The following SYNPR variants were observed in gnomAD, a reference collection of about 807,000 sequenced individuals.
The protein encoded by SYNPR is synaptoporin.
SYNPR carries 23 observed loss-of-function variants against 32.9 expected under a neutral mutation model. The ratio of observed to expected loss-of-function variants is 0.70; its 90% CI spans 0.50 to 0.99. SYNPR has a LOEUF of 0.99. Among genes scored for constraint, SYNPR ranks in the 50% least tolerant of loss-of-function variants. The probability of loss-of-function intolerance (pLI) is 0.00; values close to 1 mark genes in which losing one functional copy is unlikely to be tolerated. For synonymous variants in SYNPR, 146 were observed against 135.9 expected (o/e 1.07, Z -0.52); for missense variants, 318 against 349.3 (o/e 0.91, Z 0.71).
At chr3:63,437,409 C>G (rs1700103443) in intron 2 of SYNPR, among the ~76,000 whole-genome samples, 1 of 152,076 alleles carries the variant, frequency 6.6e-6, no homozygotes. Flanking sequence ...AGAGCTGGAA[C>G]TAGAATCCAC....
intron 2 of SYNPR, among the ~76,000 whole-genome samples, chr3:63,321,850 T>A (rs946492997): frequency 5.3e-5 from 8 of 152,078 alleles, no homozygotes; most frequent in Middle Eastern, 3.2e-3. Flanking sequence ...GCACCGTACA[T>A]TATAAAGCTC....
intron 2 of SYNPR, among the ~76,000 whole-genome samples, chr3:63,287,727 A>T (rs966252885): frequency 1.3e-5 from 2 of 152,220 alleles, no homozygotes; most frequent in Non-Finnish European, 2.9e-5. Context: ...TGAGATGTAA[A>T]TTCCCCTTAA....
intron 2 of SYNPR, among the ~76,000 whole-genome samples, chr3:63,323,960 T>C (rs1406940038): frequency 6.6e-6 from 1 of 152,100 alleles, no homozygotes; most frequent in Non-Finnish European, 1.5e-5. Context: ...GCACAATAAG[T>C]AGCAGAGTCA....
rs77550828 is a variant in SYNPR at position 63,579,250 on chromosome 3, C to A, written c.408+22509C>A. Among the ~76,000 whole-genome samples, 1,241 of 152,184 alleles carry A rather than the reference C, an allele frequency of 8.2e-3. 12 individuals carry two copies. The highest frequency in any genetic ancestry group is 0.029 in the African/African-American group (1,189 of 41,538). ...TTCATTTCCTAGGTTGATAAACTTA[C>A]CAGGCTTGCTCCCATCTCAGGGGCT... On this transcript the variant is annotated intron_variant, in intron 4 of 5. Transcript: ENST00000478300.
intron 2 of SYNPR, among the ~76,000 whole-genome samples, chr3:63,394,112 A>G (rs1489129228): frequency 6.6e-6 from 1 of 152,172 alleles, no homozygotes; most frequent in Non-Finnish European, 1.5e-5. Flanking sequence ...GGTAGCACTA[A>G]TATATAGTAG....
At chr3:63,597,644 A>G (rs1033826884) in intron 4 of SYNPR, among the ~76,000 whole-genome samples, 1 of 152,116 alleles carries the variant, frequency 6.6e-6, no homozygotes, top group African/African-American at 2.4e-5. Flanking sequence ...ATGAAAAAAC[A>G]CTCACTAAAC....
intron 2 of SYNPR, among the ~76,000 whole-genome samples, chr3:63,442,636 A>T (rs541795012): frequency 6.6e-6 from 1 of 152,338 alleles, no homozygotes; most frequent in South Asian, 2.1e-4. Flanking sequence ...TGTCGCACTT[A>T]AGCCTCTGAA....
Position 63,435,815 on chromosome 3 carries a change from T to C in SYNPR, c.85-45017T>C, listed in dbSNP as rs1700074403. On this transcript the variant is annotated intron_variant, in intron 2 of 5. Coordinates refer to ENST00000478300, the MANE Select transcript of SYNPR (RefSeq NM_001130003.2). ...TTTGAACATTGAAAGTCTAGGCCAA[T>C]ATGTTCATATACCTACCTTTATAAT... is the stretch of plus-strand genomic sequence containing the variant. 2.0e-5 allele frequency among the ~76,000 whole-genome samples: 3 copies of C among 152,210 alleles called. No individual in the cohort carries two copies. In the South Asian group the frequency reaches 6.2e-4, roughly 31 times the overall value.
At chr3:63,235,092 T>C (rs1184491692) in intron 1 of SYNPR, among the ~76,000 whole-genome samples, 1 of 152,230 alleles carries the variant, frequency 6.6e-6, no homozygotes, top group Admixed American at 6.5e-5. Flanking sequence ...TCTGTGTGTG[T>C]ATGTGTGTGT....
intron 2 of SYNPR, among the ~76,000 whole-genome samples, chr3:63,327,129 T>C (rs2087176147): frequency 6.6e-6 from 1 of 151,974 alleles, no homozygotes; most frequent in Non-Finnish European, 1.5e-5. Flanking sequence ...GGAGGGGAAA[T>C]AGTTATTGGC....
chr3:63,332,280 C>T (rs1248092584), intron 2 of SYNPR, among the ~76,000 whole-genome samples: 1 of 152,196 alleles, frequency 6.6e-6, no homozygotes, highest in African/African-American at 2.4e-5. Flanking sequence ...ACCTCCCTTG[C>T]ACAGGAAAGT....
At chr3:63,404,289 T>C in intron 2 of SYNPR, among the ~76,000 whole-genome samples, 1 of 152,200 alleles carries the variant, frequency 6.6e-6, no homozygotes, top group East Asian at 1.9e-4. Context: ...TAACAGTTTT[T>C]AAAAGAAGAG....
At chr3:63,441,371 C>T (rs540632732) in intron 2 of SYNPR, among the ~76,000 whole-genome samples, 6 of 152,246 alleles carry the variant, frequency 3.9e-5, no homozygotes, top group South Asian at 2.1e-4. Context: ...CACTGGGCTC[C>T]GTGAAGAAAC....
intron 2 of SYNPR, among the ~76,000 whole-genome samples, chr3:63,371,604 T>C (rs1479386598): frequency 6.6e-6 from 1 of 152,200 alleles, no homozygotes; most frequent in East Asian, 1.9e-4. Flanking sequence ...GCTGCTGCCC[T>C]CAGGTTCTAG....
At chr3:63,520,345 C>G (rs750709065) in intron 3 of SYNPR, among the ~76,000 whole-genome samples, 1 of 152,112 alleles carries the variant, frequency 6.6e-6, no homozygotes, top group Non-Finnish European at 1.5e-5. Flanking sequence ...ATAACTTATA[C>G]CCCAGCAGCC....
At chr3:63,477,786 T>A (rs1252914941) in intron 2 of SYNPR, among the ~76,000 whole-genome samples, 2 of 152,208 alleles carry the variant, frequency 1.3e-5, no homozygotes, top group African/African-American at 4.8e-5. Context: ...CTTCACTTTT[T>A]CTCTGGGTGC....
At chr3:63,378,407 G>A (rs1442643503) in intron 2 of SYNPR, among the ~76,000 whole-genome samples, 1 of 151,958 alleles carries the variant, frequency 6.6e-6, no homozygotes, top group African/African-American at 2.4e-5. Context: ...TCATTGAAAA[G>A]GCTATTCTTC....
At chr3:63,392,182 C>T (rs1034788479) in intron 2 of SYNPR, among the ~76,000 whole-genome samples, 3 of 152,154 alleles carry the variant, frequency 2.0e-5, no homozygotes, top group Non-Finnish European at 4.4e-5. Context: ...CATATCCTTC[C>T]TTCTTTAATG....
intron 2 of SYNPR, among the ~76,000 whole-genome samples, chr3:63,336,797 A>G (rs1437746637): frequency 6.6e-6 from 1 of 152,164 alleles, no homozygotes; most frequent in African/African-American, 2.4e-5. Context: ...GACACTGTTA[A>G]GGGAATGAAA....
Sources: allele counts gnomAD v4.1 joint callset (sites outside exome capture counted in the v4.1 genomes callset), GRCh38; gene constraint gnomAD v4.1.1; transcripts MANE v1.5; gene names NCBI Gene and HGNC (gene_info 2026-07-23, HGNC 2026-07-21).